Variants in TENM3 observed in about 807,000 individuals in gnomAD.
The protein encoded by TENM3 is teneurin transmembrane protein 3, also known as teneurin-3.
A neutral mutation model predicts 255.1 loss-of-function variants in TENM3; 63 were observed. That is an observed-to-expected ratio of 0.25 (90% CI 0.20 to 0.30). The LOEUF (loss-of-function observed/expected upper bound fraction) is 0.30. Among genes scored for constraint, TENM3 ranks in the 10% least tolerant of loss-of-function variants. TENM3 has a pLI of 1.00. For synonymous variants in TENM3, 1,306 were observed against 1,322.3 expected (o/e 0.99, Z 0.27); for missense variants, 2,929 against 3,461.1 (o/e 0.85, Z 3.86).
At chr4:182,710,858 C>T (rs1758697000) in intron 12 of TENM3, among the ~76,000 whole-genome samples, 1 of 152,162 alleles carries the variant, frequency 6.6e-6, no homozygotes, top group Admixed American at 6.5e-5. Context: ...AAAGGCATAG[C>T]CTAATTGTAG....
intron 1 of TENM3, among the ~76,000 whole-genome samples, chr4:182,282,894 G>GAA (rs35385277): frequency 5.6e-4 from 40 of 70,854 alleles, no homozygotes; most frequent in African/African-American, 1.1e-3. Flanking sequence ...CTCCATTTCA[G>GAA]AAAAAAAAAA....
At chr4:181,601,719 G>A in the TENM3 span, among the ~76,000 whole-genome samples, 6 of 151,994 alleles carry the variant, frequency 3.9e-5, no homozygotes, top group East Asian at 3.9e-4. Context: ...TTTTGGCCCC[G>A]TCACGTTAGA....
At chr4:181,589,885 G>A in the TENM3 span, among the ~76,000 whole-genome samples, 3 of 152,136 alleles carry the variant, frequency 2.0e-5, no homozygotes, top group African/African-American at 7.2e-5. Context: ...AGTATCGAGA[G>A]GACATCTCTC....
the TENM3 span, among the ~76,000 whole-genome samples, chr4:181,801,345 G>C: frequency 6.6e-6 from 1 of 152,062 alleles, no homozygotes; most frequent in African/African-American, 2.4e-5. Flanking sequence ...GTGTGCAATA[G>C]GAAAAGTACT....
At chr4:182,513,705 C>A (rs1382854413) in intron 3 of TENM3, among the ~76,000 whole-genome samples, 1 of 152,098 alleles carries the variant, frequency 6.6e-6, no homozygotes, top group Non-Finnish European at 1.5e-5. Flanking sequence ...ACATCTGGGG[C>A]CTTGCTGACC....
the TENM3 span, among the ~76,000 whole-genome samples, chr4:181,837,575 A>C: frequency 6.6e-6 from 1 of 152,224 alleles, no homozygotes; most frequent in Non-Finnish European, 1.5e-5. Flanking sequence ...TCATTGCTGC[A>C]TGTCCAACAG....
At chr4:182,672,200 GT>G (rs1266739003) in intron 6 of TENM3, among the ~76,000 whole-genome samples, 1 of 152,202 alleles carries the variant, frequency 6.6e-6, no homozygotes, top group African/African-American at 2.4e-5. Context: ...TCTTGGATCT[GT>G]TTTCTAGAAG....
intron 3 of TENM3, among the ~76,000 whole-genome samples, chr4:182,490,214 T>A (rs1168610268): frequency 6.6e-6 from 1 of 152,236 alleles, no homozygotes; most frequent in Non-Finnish European, 1.5e-5. Context: ...TTACGTGAGA[T>A]ACTTGGCCTT....
chr4:182,719,392 G>T (rs908477775), intron 13 of TENM3, among the ~76,000 whole-genome samples: 1 of 150,374 alleles, frequency 6.7e-6, no homozygotes, highest in Non-Finnish European at 1.5e-5. Context: ...CTCCCGAGTA[G>T]CTGGGACTAT....
At chr4:182,309,899 A>G (rs2726796) in intron 1 of TENM3, among the ~76,000 whole-genome samples, 36,879 of 152,044 alleles carry the variant, frequency 0.24, 4,636 homozygotes, top group Middle Eastern at 0.28. Flanking sequence ...TCATTATGTT[A>G]TGTGCCAATA....
At chr4:181,721,057 C>A in the TENM3 span, among the ~76,000 whole-genome samples, 2 of 151,434 alleles carry the variant, frequency 1.3e-5, no homozygotes, top group Admixed American at 1.3e-4. Context: ...CTCTGATGAA[C>A]CAACTCCTGA....
At chr4:182,433,899 G>C (rs113661325) in intron 3 of TENM3, among the ~76,000 whole-genome samples, 2,010 of 152,216 alleles carry the variant, frequency 0.013, 47 homozygotes, top group African/African-American at 0.045. Context: ...AGGATGACTT[G>C]AGGCCAGGAG....
chr4:182,314,421 TAAAGA>T (rs779728758), intron 1 of TENM3, among the ~76,000 whole-genome samples: 1 of 152,250 alleles, frequency 6.6e-6, no homozygotes, highest in Non-Finnish European at 1.5e-5. Context: ...AGTGAATAAG[TAAAGA>T]AATCAATGGT....
the TENM3 span, among the ~76,000 whole-genome samples, chr4:181,930,696 T>C: frequency 6.6e-6 from 1 of 152,078 alleles, no homozygotes; most frequent in Non-Finnish European, 1.5e-5. Context: ...TACCAAAACC[T>C]GGCAGACACA....
the TENM3 span, among the ~76,000 whole-genome samples, chr4:181,987,018 T>C: frequency 6.6e-6 from 1 of 152,112 alleles, no homozygotes; most frequent in South Asian, 2.1e-4. Flanking sequence ...TCTCCAATTC[T>C]AATATATCTT....
At chr4:182,407,172 C>A (rs922484277) in intron 3 of TENM3, among the ~76,000 whole-genome samples, 2 of 149,044 alleles carry the variant, frequency 1.3e-5, no homozygotes, top group African/African-American at 5.0e-5. Flanking sequence ...TTCTGGTGGA[C>A]AGAGTTCGAA....
chr4:181,763,103 T>C, the TENM3 span, among the ~76,000 whole-genome samples: 1 of 152,226 alleles, frequency 6.6e-6, no homozygotes, highest in African/African-American at 2.4e-5. Flanking sequence ...GGACTATTTA[T>C]ATTTGAAACA....
chr4:182,223,128 TA>T (rs1317650015), intron 1 of TENM3, among the ~76,000 whole-genome samples: 2 of 152,184 alleles, frequency 1.3e-5, no homozygotes, highest in Non-Finnish European at 2.9e-5. Context: ...GAAACTATGG[TA>T]GGGGAAAATG....
At chr4:181,679,087 A>G in the TENM3 span, among the ~76,000 whole-genome samples, 1 of 152,110 alleles carries the variant, frequency 6.6e-6, no homozygotes, top group Admixed American at 6.6e-5. Flanking sequence ...CTATCTTAGG[A>G]GTAAGTGCCT....
Sources: gnomAD v4.1 joint callset for allele counts (sites outside exome capture counted in the v4.1 genomes callset) on GRCh38, gnomAD v4.1.1 for gene constraint, MANE v1.5 for transcripts, NCBI Gene and HGNC (gene_info 2026-07-23, HGNC 2026-07-21) for gene names.